The following TLR3 variants were observed in gnomAD, a reference collection of about 807,000 sequenced individuals.
TLR3 encodes the protein toll-like receptor 3.
A neutral mutation model predicts 66.4 loss-of-function variants in TLR3; 43 were observed. The ratio of observed to expected loss-of-function variants is 0.65; its 90% CI spans 0.51 to 0.83. The LOEUF is 0.83. Among genes scored for constraint, TLR3 ranks in the 40% least tolerant of loss-of-function variants. The pLI is 0.00. For missense variants in TLR3, 982 were observed against 1,044.6 expected, an observed-to-expected ratio of 0.94 and a Z score of 0.83; for synonymous variants, 397 against 397.2, an observed-to-expected ratio of 1.00 and a Z score of 0.01.
chr4:186,072,417 A>G, intron 1 of TLR3, among the ~76,000 whole-genome samples: 1 of 151,988 alleles, frequency 6.6e-6, no homozygotes, highest in African/African-American at 2.4e-5. Context: ...AGTTCAAGCG[A>G]TTCTCCTGCC....
rs774476397 is a variant in TLR3 at position 186,083,880 on chromosome 4, T to C, written c.2194T>C (p.Phe732Leu). ...LIHFEGWRIS[F>L]YWNVSVHRVL... Reference sequence around the variant, plus strand: ...CCACTTTGAGGGCTGGAGGATATCTTTTTATTGGAATGTTTCAGTACATCG... The same window carrying C: ...CCACTTTGAGGGCTGGAGGATATCTCTTTATTGGAATGTTTCAGTACATCG... Residue 732 changes from phenylalanine (F) to leucine (L), a missense_variant, in exon 4 of 5, where the codon TTT (phenylalanine) becomes CTT (leucine). This residue lies in a region of TLR3 where 666 missense variants were observed against 709.0 expected (regional missense o/e 0.94). Coordinates refer to ENST00000296795, the MANE Select transcript of TLR3 (RefSeq NM_003265.3). The surrounding 1 kb of genome is among the most constrained non-coding windows in gnomAD (Gnocchi z 4.0). 21 of 1,614,112 alleles carry C rather than the reference T, an allele frequency of 1.3e-5. No homozygotes were observed. Among genetic ancestry groups the C allele is most frequent in the Admixed American group, 8.3e-5 (5 of 60,010 alleles).
chr4:186,078,649 A>G (rs912004850), intron 2 of TLR3, among the ~76,000 whole-genome samples, 191 bp from the exon 3 acceptor site: 7 of 152,216 alleles, frequency 4.6e-5, no homozygotes, highest in Non-Finnish European at 8.8e-5. Context: ...AAGGGTGACC[A>G]TCACAAAGAT....
intron 3 of TLR3, 23 bp from the exon 4 acceptor site, chr4:186,082,297 C>T (rs1352725062): frequency 2.0e-6 from 3 of 1,494,664 alleles, no homozygotes; most frequent in Non-Finnish European, 2.7e-6. Flanking sequence ...GATTGTTAAC[C>T]TCTTTTTTTT....
At chr4:186,082,102 G>A (rs1388560107) in intron 3 of TLR3, 2 of 563,660 alleles carry the variant, frequency 3.5e-6, no homozygotes, top group Non-Finnish European at 3.1e-6. Flanking sequence ...GCGCATGCCT[G>A]TAATCCCAGC....
Position 186,083,140 on chromosome 4 carries a change from T to A in TLR3, c.1454T>A (p.Leu485Gln). 6.2e-7 allele frequency: 1 copy of A among 1,614,222 alleles called. No individual in the cohort carries two copies. The highest frequency in any genetic ancestry group is 8.5e-7 in the Non-Finnish European group (1 of 1,180,024). Residue 485 changes from leucine to glutamine, a missense_variant, in exon 4 of 5, where the codon CTG becomes CAG. Transcript: ENST00000296795. This position sits in a 1 kb window ranked among gnomAD's most constrained non-coding sequence, Gnocchi z 4.0. ...SFALVPSLQR[L>Q]MLRRVALKNV... is the part of the protein sequence containing the mutation. ...GCCTTGGTCCCAAGCCTTCAACGAC[T>A]GATGCTCCGAAGGGTGGCCCTTAAA...
At chr4:186,069,325 T>A (rs1186305331) in intron 1 of TLR3, 77 bp downstream of exon 1, 2 of 152,224 alleles carry the variant, frequency 1.3e-5, no homozygotes, top group African/African-American at 2.4e-5. Flanking sequence ...GCAGAATGCA[T>A]GTGGTTTTAG....
At position 186,085,384 on chromosome 4, in the gene TLR3, CT is replaced by C. The variant is rs1444982420; in HGVS notation, c.*514del. On this transcript the variant is annotated 3_prime_UTR_variant, in exon 5 of 5. Transcript: ENST00000296795. ...TAGTAAGTACTTGTCTCAGTGTTGA[CT>C]TTGTTAAATGTTAAATATTTTTTAA... The C allele has an allele frequency of 6.5e-6, 1 of 153,482 alleles. No individual in the cohort carries two copies. The highest frequency in any genetic ancestry group is 2.4e-5 in the African/African-American group (1 of 41,382). 9.5% of individuals were successfully genotyped at this position (153,482 alleles called of 1,614,324 possible).
In TLR3 at chr4:186,082,308, T is replaced by TC. The variant is rs768613694; in HGVS notation, c.634-10dup. On this transcript the variant is annotated splice_polypyrimidine_tract_variant and intron_variant, in intron 3 of 4. Transcript: ENST00000296795. ...TTTTGATTGTTAACCTCTTTTTTTT[T>TC]CCTACCTTTAGTTTTCTCCAGGGTG... 1.2e-6 allele frequency: 2 copies of TC among 1,613,232 alleles called. No homozygotes were observed. The highest frequency in any genetic ancestry group is 1.7e-6 in the Non-Finnish European group (2 of 1,179,732).
Position 186,077,041 on chromosome 4 carries a change from A to G in TLR3, c.422A>G (p.Asn141Ser). ...AACTCAATCCAGAAAATTAAAAATA[A>G]TCCCTTTGTCAAGCAGAAGGTAAGT... ...MSNSIQKIKNNPFVKQKNLIT... is the reference protein window; with the variant it reads ...MSNSIQKIKNSPFVKQKNLIT... Residue 141 changes from asparagine (N) to serine (S), a missense_variant, in exon 2 of 5, where the codon AAT (asparagine) becomes AGT (serine). Coordinates refer to ENST00000296795, the MANE Select transcript of TLR3 (RefSeq NM_003265.3). 1 of 1,614,068 alleles carries G rather than the reference A, an allele frequency of 6.2e-7. No individual in the cohort carries two copies. Among genetic ancestry groups the G allele is most frequent in the Non-Finnish European group, 8.5e-7 (1 of 1,179,994 alleles).
At chr4:186,072,414 G>A (rs1177062355) in intron 1 of TLR3, among the ~76,000 whole-genome samples, 4 of 152,278 alleles carry the variant, frequency 2.6e-5, no homozygotes, top group South Asian at 4.1e-4. Context: ...CCTAGTTCAA[G>A]CGATTCTCCT....
intron 4 of TLR3, 57 bp from the exon 5 acceptor site, chr4:186,084,588 A>T: frequency 8.6e-7 from 1 of 1,167,446 alleles, no homozygotes; most frequent in Non-Finnish European, 1.3e-6. Context: ...TTTAAATAGT[A>T]TTGCTTCTGG....
At chr4:186,080,678 G>A (rs1224720750) in intron 3 of TLR3, among the ~76,000 whole-genome samples, 4 of 152,052 alleles carry the variant, frequency 2.6e-5, no homozygotes, top group South Asian at 4.1e-4. Flanking sequence ...TGCAACCTCC[G>A]ACTCCCGGGT....
At chr4:186,080,834 C>T (rs2099303297) in intron 3 of TLR3, among the ~76,000 whole-genome samples, 1 of 152,092 alleles carries the variant, frequency 6.6e-6, no homozygotes, top group African/African-American at 2.4e-5. Context: ...TCATGATCCA[C>T]CTCCACCTCG....
chr4:186,084,754 T>C lies in TLR3; in HGVS notation c.2596T>C (p.Leu866=). 6.2e-7 allele frequency: 1 copy of C among 1,614,086 alleles called. No individual in the cohort carries two copies. The highest frequency in any genetic ancestry group is 8.5e-7 in the Non-Finnish European group (1 of 1,179,978). Residue 866 remains leucine, a synonymous_variant, in exon 5 of 5, where the codon TTG becomes CTG. Transcript: ENST00000296795. ...TTATAAACTGAACCATGCACTCTGT[T>C]TGCGAAGAGGAATGTTTAAATCTCA... is the stretch of plus-strand genomic sequence containing the variant. The part of the protein sequence containing the change: ...PDYKLNHALC[L]RRGMFKSHCI...
chr4:186,070,989 T>C (rs929351865), intron 1 of TLR3, among the ~76,000 whole-genome samples: 2 of 152,258 alleles, frequency 1.3e-5, no homozygotes, highest in South Asian at 2.1e-4. Context: ...TGAGCCACTA[T>C]GCTTTGCCTG....
chr4:186,076,799 T>A lies in TLR3; in HGVS notation c.180T>A (p.His60Gln), dbSNP rs780502519. The A allele has an allele frequency of 4.3e-6, 7 of 1,614,132 alleles. No individual in the cohort carries two copies. The highest frequency in any genetic ancestry group is 5.9e-6 in the Non-Finnish European group (7 of 1,180,018). ...PTNITVLNLT[H>Q]NQLRRLPAAN... Reference sequence around the variant, plus strand: ...ACATAACAGTGTTGAACCTTACCCATAATCAACTCAGAAGATTACCAGCCG... The same window carrying A: ...ACATAACAGTGTTGAACCTTACCCAAAATCAACTCAGAAGATTACCAGCCG... Residue 60 changes from histidine to glutamine, a missense_variant, in exon 2 of 5, where the codon CAT becomes CAA. By Grantham distance (24) the His-to-Gln change is conservative. Transcript: ENST00000296795.
intron 3 of TLR3, among the ~76,000 whole-genome samples, chr4:186,079,424 C>T (rs973706934): frequency 6.6e-6 from 1 of 152,126 alleles, no homozygotes; most frequent in Non-Finnish European, 1.5e-5. Context: ...GGTCTCTGGG[C>T]TTTGTCTTTT....
At chr4:186,078,435 T>G (rs2099302817) in intron 2 of TLR3, among the ~76,000 whole-genome samples, 1 of 152,200 alleles carries the variant, frequency 6.6e-6, no homozygotes, top group South Asian at 2.1e-4. Context: ...TTTCTGATAC[T>G]TATTTTCAAG....
chr4:186,082,042 C>A, intron 3 of TLR3: 1 of 413,404 alleles, frequency 2.4e-6, no homozygotes, highest in Non-Finnish European at 4.4e-6. Flanking sequence ...CTGGCCTACA[C>A]GGTGAAACCC....
Sources: allele counts gnomAD v4.1 joint callset (sites outside exome capture counted in the v4.1 genomes callset), GRCh38; gene constraint gnomAD v4.1.1; regional missense constraint gnomAD v4.1.1; non-coding constraint Gnocchi (gnomAD v3.1); transcripts MANE v1.5; gene names NCBI Gene and HGNC (gene_info 2026-07-23, HGNC 2026-07-21).